The following RORA variants were observed in gnomAD, a reference collection of about 807,000 sequenced individuals.
The protein encoded by RORA is RAR related orphan receptor A, also known as nuclear receptor ROR-alpha.
A neutral mutation model predicts 69.5 loss-of-function variants in RORA; 7 were observed. The observed-to-expected ratio is 0.10, with a 90% CI of 0.06 to 0.19. The LOEUF (loss-of-function observed/expected upper bound fraction) is 0.19, where lower values mean the gene tolerates loss of function less well. Ranked by LOEUF, RORA falls within the 10% of genes least tolerant of loss-of-function variation. The pLI is 1.00. For synonymous variants in RORA, 261 were observed against 240.8 expected, an observed-to-expected ratio of 1.08 and a Z score of -0.78; for missense variants, 457 against 663.0, an observed-to-expected ratio of 0.69 and a Z score of 3.41.
intron 1 of RORA, among the ~76,000 whole-genome samples, chr15:60,989,348 T>G (rs1404080191): frequency 1.3e-5 from 2 of 152,258 alleles, no homozygotes; most frequent in East Asian, 3.8e-4. Flanking sequence ...GGTCTTTCTT[T>G]TAGCTTAATA....
chr15:61,162,123 G>A (rs994482412), intron 1 of RORA, among the ~76,000 whole-genome samples: 2 of 152,034 alleles, frequency 1.3e-5, no homozygotes, highest in Admixed American at 6.6e-5. Flanking sequence ...AGAAAAAAAC[G>A]AAAAATGGCC....
At chr15:61,116,884 T>C (rs915180773) in intron 1 of RORA, among the ~76,000 whole-genome samples, 1 of 152,172 alleles carries the variant, frequency 6.6e-6, no homozygotes, top group Non-Finnish European at 1.5e-5. Context: ...AAAATTGCAA[T>C]GTGTCCAGGT....
chr15:60,564,300 A>G (rs937659226), intron 2 of RORA, among the ~76,000 whole-genome samples: 1 of 152,206 alleles, frequency 6.6e-6, no homozygotes, highest in African/African-American at 2.4e-5. Context: ...ATGCTTGTTC[A>G]GTGTTTAGCC....
At chr15:61,017,924 C>T (rs1895361042) in intron 1 of RORA, among the ~76,000 whole-genome samples, 1 of 152,068 alleles carries the variant, frequency 6.6e-6, no homozygotes, top group African/African-American at 2.4e-5. Flanking sequence ...CGGAAGTTTA[C>T]CTTTATTTAA....
At chr15:60,678,570 T>C (rs2070589457) in intron 2 of RORA, 87 bp downstream of exon 2, 1 of 988,498 alleles carries the variant, frequency 1.0e-6, no homozygotes, top group African/African-American at 1.6e-5. Context: ...GAAACATTAG[T>C]ATATACTTGA....
chr15:60,947,429 A>G (rs989015773), intron 1 of RORA, among the ~76,000 whole-genome samples: 7 of 151,888 alleles, frequency 4.6e-5, no homozygotes, highest in Non-Finnish European at 8.8e-5. Context: ...TGCTGTGTCC[A>G]CTCAGGGTTA....
At chr15:60,940,920 T>G (rs1892675845) in intron 1 of RORA, among the ~76,000 whole-genome samples, 1 of 152,210 alleles carries the variant, frequency 6.6e-6, no homozygotes, top group South Asian at 2.1e-4. Context: ...AGTGAGACTC[T>G]GTCTCTAAAT....
intron 1 of RORA, among the ~76,000 whole-genome samples, chr15:60,853,832 T>C (rs995311485): frequency 6.6e-6 from 1 of 152,226 alleles, no homozygotes; most frequent in African/African-American, 2.4e-5. Context: ...TGATGGACAA[T>C]ATTATAAAAT....
At chr15:61,079,097 TAC>T (rs1404359651) in intron 1 of RORA, among the ~76,000 whole-genome samples, 1 of 151,708 alleles carries the variant, frequency 6.6e-6, no homozygotes, top group Non-Finnish European at 1.5e-5. Context: ...ACTAACCAAT[TAC>T]AGACTTATTA....
Position 60,490,078 on chromosome 15 carries a change from A to G in RORA, c.*7377T>C, listed in dbSNP as rs2065016969. ...TTAAATACACTCTAGAATAATTTAT[A>G]TAATGATATTATGTATTTAAAGAGA... On this transcript the variant is annotated 3_prime_UTR_variant, in exon 11 of 11. Coordinates refer to ENST00000335670, the MANE Select transcript of RORA (RefSeq NM_134261.3). This position sits in a 1 kb window ranked among gnomAD's most constrained non-coding sequence, Gnocchi z 4.1. 1 of 151,924 alleles carries G rather than the reference A, an allele frequency of 6.6e-6. No individual in the cohort carries two copies. The highest frequency in any genetic ancestry group is 1.5e-5 in the Non-Finnish European group (1 of 67,946). The allele number at this position is 151,924 out of a possible 1,614,324, so 9.4% of individuals were successfully genotyped here.
At chr15:61,199,179 C>A (rs2079873092) in intron 1 of RORA, among the ~76,000 whole-genome samples, 2 of 152,012 alleles carry the variant, frequency 1.3e-5, no homozygotes, top group Admixed American at 6.6e-5. Flanking sequence ...GCTTAATTTA[C>A]CAAAAATGCC....
At chr15:60,541,203 T>G (rs1188840824) in intron 2 of RORA, among the ~76,000 whole-genome samples, 2 of 152,232 alleles carry the variant, frequency 1.3e-5, no homozygotes, top group Non-Finnish European at 2.9e-5. Context: ...GAAATTCAAC[T>G]AGTTCCTTCA....
chr15:61,063,478 T>C lies in RORA; in HGVS notation c.166+165575A>G, dbSNP rs186246979. Among the ~76,000 whole-genome samples the C allele has an allele frequency of 3.0e-4, 46 of 152,364 alleles. 1 individual carries two copies. The highest frequency in any genetic ancestry group is 2.7e-3 in the Admixed American group (41 of 15,306). On this transcript the variant is annotated intron_variant, in intron 1 of 10. Transcript: ENST00000335670. ...TGAAAAGGAATTAACTTAAGATCACTTGACCTTGCAACTGTACAAAATGAA... is the reference window on the plus strand; with the variant it reads ...TGAAAAGGAATTAACTTAAGATCACCTGACCTTGCAACTGTACAAAATGAA...
rs963249846 is a variant in RORA at position 61,053,898 on chromosome 15, CA to C, written c.166+175154del. ...CAGGGAGGGTTTCCTTCAGAAAATTCAATACTCAAGGAAAAGGAGTTAGGGA... is the reference window on the plus strand; with the variant it reads ...CAGGGAGGGTTTCCTTCAGAAAATTCATACTCAAGGAAAAGGAGTTAGGGA... On this transcript the variant is annotated intron_variant, in intron 1 of 10. Coordinates refer to ENST00000335670, the MANE Select transcript of RORA (RefSeq NM_134261.3). 4.6e-5 allele frequency among the ~76,000 whole-genome samples: 5 copies of C among 109,092 alleles called. 1 individual carries two copies. Among genetic ancestry groups the C allele is most frequent in the African/African-American group, 1.7e-4 (5 of 28,628 alleles). 71.6% of individuals were successfully genotyped at this position (109,092 alleles called of 152,430 possible). A position where few individuals can be genotyped will look rare whatever the true frequency, so the allele number is the denominator to read the frequency against.
chr15:61,224,150 G>T (rs533213062), intron 1 of RORA, among the ~76,000 whole-genome samples: 1 of 152,108 alleles, frequency 6.6e-6, no homozygotes, highest in Non-Finnish European at 1.5e-5. Flanking sequence ...ACACTTGAAG[G>T]CCTTTCAAAA....
At chr15:60,569,933 G>C (rs2067829850) in intron 2 of RORA, among the ~76,000 whole-genome samples, 1 of 152,150 alleles carries the variant, frequency 6.6e-6, no homozygotes, top group Non-Finnish European at 1.5e-5. Context: ...AGGAGAGCAA[G>C]ATAAACATGA....
Position 60,995,175 on chromosome 15 carries a change from T to C in RORA, c.166+233878A>G, listed in dbSNP as rs74248099. ...AATAAGAATAATGACTTAAAAGCTT[T>C]CTTTTTTTTTCTGGTTCTCTTCTTT... is the stretch of plus-strand genomic sequence containing the variant. On this transcript the variant is annotated intron_variant, in intron 1 of 10. Coordinates refer to ENST00000335670, the MANE Select transcript of RORA (RefSeq NM_134261.3). Among the ~76,000 whole-genome samples the C allele has an allele frequency of 3.6e-4, 55 of 152,248 alleles. No individual in the cohort carries two copies. In the East Asian group the frequency reaches 9.8e-3, roughly 27 times the overall value.
intron 1 of RORA, among the ~76,000 whole-genome samples, chr15:61,054,517 T>A (rs2078063358): frequency 6.6e-6 from 1 of 152,344 alleles, no homozygotes; most frequent in East Asian, 1.9e-4. Context: ...CCTGGATTTC[T>A]CATCCTCACT....
rs2071077763 is a variant in RORA at position 60,707,346 on chromosome 15, A to G, written c.167-28660T>C. Among the ~76,000 whole-genome samples the G allele has an allele frequency of 2.0e-5, 3 of 146,568 alleles. No homozygotes were observed. The South Asian group carries it at 6.5e-4, about 32-fold the overall frequency. On this transcript the variant is annotated intron_variant, in intron 1 of 10. Transcript: ENST00000335670. ...ATCTATTTCTTTATTTTATTTATTT[A>G]TTTATTTATTTATTTATTTATTTAT...
Sources: gnomAD v4.1 joint callset for allele counts (sites outside exome capture counted in the v4.1 genomes callset) on GRCh38, gnomAD v4.1.1 for gene constraint, Gnocchi (gnomAD v3.1) non-coding constraint, MANE v1.5 for transcripts, NCBI Gene and HGNC (gene_info 2026-07-23, HGNC 2026-07-21) for gene names.